Variants in ABLIM2 observed in about 807,000 individuals in gnomAD.
The protein encoded by ABLIM2 is actin-binding LIM protein 2.
ABLIM2 carries 53 observed loss-of-function variants against 97.7 expected under a neutral mutation model. The observed-to-expected ratio is 0.54, with a 90% CI of 0.44 to 0.68. The LOEUF is 0.68. Ranked by LOEUF, ABLIM2 falls within the 30% of genes least tolerant of loss-of-function variation. The pLI, the probability that ABLIM2 is intolerant of heterozygous loss-of-function variation, is 0.00. For missense variants in ABLIM2, 835 were observed against 867.2 expected (o/e 0.96, Z 0.47); for synonymous variants, 361 against 345.8 (o/e 1.04, Z -0.49).
At position 8,140,806 on chromosome 4, in the gene ABLIM2, C is replaced by A. The variant is rs984608333; in HGVS notation, c.10+17874G>T. Among the ~76,000 whole-genome samples, 29 of 152,182 alleles carry A rather than the reference C, an allele frequency of 1.9e-4. 1 individual carries two copies. The highest frequency in any genetic ancestry group is 1.8e-3 in the Admixed American group (27 of 15,276). On this transcript the variant is annotated intron_variant, in intron 1 of 20. Coordinates refer to ENST00000447017, the MANE Select transcript of ABLIM2 (RefSeq NM_001130083.2). This position sits in a 1 kb window ranked among gnomAD's most constrained non-coding sequence, Gnocchi z 5.9. ...TCAGAAAAGAGTGCATTTACCCCAG[C>A]TCCTGAGTCAGGGTGGGGTTCAGGG...
rs1772653951 is a variant in ABLIM2, at chr4:8,020,324, G to A, written c.1268-21C>T. 1.9e-6 allele frequency: 3 copies of A among 1,599,152 alleles called. No individual in the cohort carries two copies. The East Asian group carries it at 6.7e-5, about 36-fold the overall frequency. ...ACTGCCTCCAGACGGAAGGGCAAAGGCAGCAGATAGAAGGGGAAACGGGAA... is the reference window on the plus strand; with the variant it reads ...ACTGCCTCCAGACGGAAGGGCAAAGACAGCAGATAGAAGGGGAAACGGGAA... On this transcript the variant is annotated intron_variant, in intron 12 of 20. Coordinates refer to ENST00000447017, the MANE Select transcript of ABLIM2 (RefSeq NM_001130083.2).
chr4:8,136,823 C>T (rs773834757), intron 1 of ABLIM2, among the ~76,000 whole-genome samples: 8 of 152,250 alleles, frequency 5.3e-5, no homozygotes, highest in South Asian at 2.1e-4. Context: ...GAGCACACAG[C>T]GGGGCCTCCC....
rs377324253 is a variant in ABLIM2 at position 7,994,254 on chromosome 4, C to T, written c.1619-1327G>A. On this transcript the variant is annotated intron_variant, in intron 16 of 20. Coordinates refer to ENST00000447017, the MANE Select transcript of ABLIM2 (RefSeq NM_001130083.2). ...CCAATGCTATCCCTCCCCCCTCCCC[C>T]GACCCCACCACAGTCCCCAGAGTGT... 7.7e-4 allele frequency among the ~76,000 whole-genome samples: 22 copies of T among 28,548 alleles called. 2 individuals carry two copies. In the East Asian group the frequency reaches 0.015, roughly 19 times the overall value. The allele number at this position is 28,548 out of a possible 152,430, so 18.7% of individuals were successfully genotyped here.
In ABLIM2 at chr4:8,093,178, GTCT is replaced by G. The variant is rs1340165450; in HGVS notation, c.338+3918_338+3920del. On this transcript the variant is annotated intron_variant, in intron 3 of 20. Transcript: ENST00000447017. ...TTGCCCATTTTTAACAGTATTTTGG[GTCT>G]TATTATTATTGAGTTGTGAATAATC... 2.0e-5 allele frequency among the ~76,000 whole-genome samples: 3 copies of G among 152,234 alleles called. No homozygotes were observed. In the East Asian group the frequency reaches 5.8e-4, roughly 29 times the overall value.
At position 8,158,690 on chromosome 4, in the gene ABLIM2, C is replaced by G. The variant is rs572807683; in HGVS notation, c.-1G>C. 102 of 1,469,678 alleles carry G rather than the reference C, an allele frequency of 6.9e-5. 1 individual carries two copies. In the East Asian group the frequency reaches 2.9e-3, roughly 42 times the overall value. The allele number at this position is 1,469,678 out of a possible 1,614,324, so 91.0% of individuals were successfully genotyped here. A position where few individuals can be genotyped will look rare whatever the true frequency, so the allele number is the denominator to read the frequency against. ...GTCCCCAGCACCCACCTGCACTCAT[C>G]TCAGCAGCCGCTCGGAGTCGGGGCG... On this transcript the variant is annotated 5_prime_UTR_variant, in exon 1 of 21. Transcript: ENST00000447017.
rs917548952 is a variant in ABLIM2 at position 8,130,547 on chromosome 4, G to T, written c.11-23910C>A. On this transcript the variant is annotated intron_variant, in intron 1 of 20. Transcript: ENST00000447017. This position sits in a 1 kb window ranked among gnomAD's most constrained non-coding sequence, Gnocchi z 4.2. ...CTTCCCCGAGACACTGTGAGGTGGC[G>T]CCACGCTTGGCCCCGCATTACTGGG... Among the ~76,000 whole-genome samples the T allele has an allele frequency of 3.0e-4, 45 of 152,188 alleles. No individual in the cohort carries two copies. Among genetic ancestry groups the T allele is most frequent in the African/African-American group, 1.1e-3 (44 of 41,532 alleles).
At chr4:7,967,963 T>G (rs1193441475) in intron 20 of ABLIM2, among the ~76,000 whole-genome samples, 1 of 152,224 alleles carries the variant, frequency 6.6e-6, no homozygotes, top group Non-Finnish European at 1.5e-5. Flanking sequence ...GCCTTCTAGC[T>G]CTGCCTTGCA....
Position 8,069,754 on chromosome 4 carries a change from C to T in ABLIM2, c.675+7874G>A, listed in dbSNP as rs928141089. The stretch of plus-strand genomic sequence containing the variant: ...CATGTGTCCTTGTGTTGTCTGTGTA[C>T]GTTTCGGTGTGTCCATGCATGTTGT... On this transcript the variant is annotated intron_variant, in intron 6 of 20. Coordinates refer to ENST00000447017, the MANE Select transcript of ABLIM2 (RefSeq NM_001130083.2). The surrounding 1 kb of genome is among the most constrained non-coding windows in gnomAD (Gnocchi z 4.2). Among the ~76,000 whole-genome samples the T allele has an allele frequency of 2.0e-5, 3 of 150,814 alleles. No homozygotes were observed. Among genetic ancestry groups the T allele is most frequent in the South Asian group, 2.1e-4 (1 of 4,732 alleles).
rs375626858 is a variant in ABLIM2 at position 8,054,281 on chromosome 4, G to A, written c.764-35C>T. 8.1e-6 allele frequency: 13 copies of A among 1,607,292 alleles called. No individual in the cohort carries two copies. The African/African-American group carries it at 1.7e-4, about 21-fold the overall frequency. ...AATTCCCAAGAGGGAAATGATTAGA[G>A]TTATTTCCCATGTTGCAGGGGCCTG... On this transcript the variant is annotated intron_variant, in intron 7 of 20. Coordinates refer to ENST00000447017, the MANE Select transcript of ABLIM2 (RefSeq NM_001130083.2). The surrounding 1 kb of genome is among the most constrained non-coding windows in gnomAD (Gnocchi z 4.9).
In ABLIM2 at chr4:8,085,221, G is replaced by A. The variant is rs1822640641; in HGVS notation, c.454+2948C>T. 1.3e-5 allele frequency among the ~76,000 whole-genome samples: 2 copies of A among 152,064 alleles called. No homozygotes were observed. Among genetic ancestry groups the A allele is most frequent in the Non-Finnish European group, 2.9e-5 (2 of 67,984 alleles). ...ACTCTCCCCTCCCCAGGGAGGGGCA[G>A]CCACACAGGCAGCCATGTGAGGCCC... On this transcript the variant is annotated intron_variant, in intron 4 of 20. Coordinates refer to ENST00000447017, the MANE Select transcript of ABLIM2 (RefSeq NM_001130083.2). This position sits in a 1 kb window ranked among gnomAD's most constrained non-coding sequence, Gnocchi z 6.1.
chr4:8,132,737 G>A lies in ABLIM2; in HGVS notation c.10+25943C>T, dbSNP rs1268580333. Among the ~76,000 whole-genome samples, 1 of 152,204 alleles carries A rather than the reference G, an allele frequency of 6.6e-6. No homozygotes were observed. On this transcript the variant is annotated intron_variant, in intron 1 of 20. Transcript: ENST00000447017. The surrounding 1 kb of genome is among the most constrained non-coding windows in gnomAD (Gnocchi z 8.0). ...CCAACACTCCAGAGCCCTGGGACCT[G>A]GGCCCAGCGACTGAACCTCTTAGAG... is the stretch of plus-strand genomic sequence containing the variant.
intron 14 of ABLIM2, chr4:8,010,413 C>T (rs1225325814): frequency 3.1e-5 from 31 of 985,784 alleles, no homozygotes; most frequent in East Asian, 2.3e-4. Flanking sequence ...AAGGACACGC[C>T]GAGGTGGGCT....
In ABLIM2 at chr4:8,003,982, C is replaced by G. The variant is rs552164644; in HGVS notation, c.1618+4077G>C. On this transcript the variant is annotated intron_variant, in intron 16 of 20. Coordinates refer to ENST00000447017, the MANE Select transcript of ABLIM2 (RefSeq NM_001130083.2). The surrounding 1 kb of genome is among the most constrained non-coding windows in gnomAD (Gnocchi z 4.2). ...TATCCTCACGAGATTGACAGTAGCA[C>G]GTCAGGGAGGCTCTTCCTTCGACCA... Among the ~76,000 whole-genome samples, 35 of 152,218 alleles carry G rather than the reference C, an allele frequency of 2.3e-4. No individual in the cohort carries two copies. In the South Asian group the frequency reaches 5.2e-3, roughly 23 times the overall value.
At chr4:8,106,716 C>A in intron 1 of ABLIM2, 79 bp from the exon 2 acceptor site, 1 of 1,495,602 alleles carries the variant, frequency 6.7e-7, no homozygotes. Flanking sequence ...CGTGTGAGGA[C>A]GCACAGCTGA....
At chr4:8,041,775 G>A (rs1347069851) in intron 9 of ABLIM2, among the ~76,000 whole-genome samples, 1 of 152,052 alleles carries the variant, frequency 6.6e-6, no homozygotes, top group Non-Finnish European at 1.5e-5. Flanking sequence ...ATGGTGGCGG[G>A]TGCCTGTTGT....
chr4:8,153,543 C>T (rs1380369733), intron 1 of ABLIM2, among the ~76,000 whole-genome samples: 1 of 152,178 alleles, frequency 6.6e-6, no homozygotes, highest in African/African-American at 2.4e-5. Flanking sequence ...GCTTCTGCTG[C>T]ACCTCATTCA....
intron 20 of ABLIM2, among the ~76,000 whole-genome samples, chr4:7,977,606 A>C (rs959435655): frequency 6.6e-6 from 1 of 152,030 alleles, no homozygotes; most frequent in Non-Finnish European, 1.5e-5. Context: ...CCTGGCCACC[A>C]TGGTGAAACC....
chr4:8,078,057 C>T (rs562038278), intron 5 of ABLIM2, among the ~76,000 whole-genome samples: 1 of 152,300 alleles, frequency 6.6e-6, no homozygotes, highest in African/African-American at 2.4e-5. Flanking sequence ...CTCCTTCCAT[C>T]CAAAGTTCAA....
At chr4:8,016,854 A>C (rs1578743448) in intron 14 of ABLIM2, among the ~76,000 whole-genome samples, 1 of 152,230 alleles carries the variant, frequency 6.6e-6, no homozygotes, top group African/African-American at 2.4e-5. Context: ...CTCTGTTTCT[A>C]GGCAGCTTAT....
Sources: allele counts gnomAD v4.1 joint callset (sites outside exome capture counted in the v4.1 genomes callset), GRCh38; gene constraint gnomAD v4.1.1; non-coding constraint Gnocchi (gnomAD v3.1); transcripts MANE v1.5; gene names NCBI Gene and HGNC (gene_info 2026-07-23, HGNC 2026-07-21).